Variants in GREP1 observed in about 807,000 individuals in gnomAD.
GREP1 encodes the protein glycine-rich extracellular protein 1.
exon 5 of GREP1, chr16:2,990,104 G>A: frequency 2.5e-6 from 1 of 399,270 alleles, no homozygotes; most frequent in Non-Finnish European, 4.4e-6. Context: ...GGTCAGGCAT[G>A]GGCTGGGAAC....
At position 2,997,091 on chromosome 16, in the gene GREP1, C is replaced by T. The variant is rs975545494; in HGVS notation, c.886+6C>T. The T allele has an allele frequency of 5.5e-5, 22 of 399,026 alleles. No individual in the cohort carries two copies. The highest frequency in any genetic ancestry group is 1.4e-4 in the African/African-American group (7 of 48,608). 24.7% of individuals were successfully genotyped at this position (399,026 alleles called of 1,614,324 possible). ...TATGAAGGCCCAGAAGCCAGGTGAGCCCTGCCCCGCCTGTCCCTCTGCCTC... is the reference window on the plus strand; with the variant it reads ...TATGAAGGCCCAGAAGCCAGGTGAGTCCTGCCCCGCCTGTCCCTCTGCCTC... On this transcript the variant is annotated splice_donor_region_variant and intron_variant, in intron 21 of 34. Coordinates refer to ENST00000573315, the Ensembl canonical transcript of GREP1.
exon 26 of GREP1, chr16:2,998,884 C>T (rs957714508): frequency 2.5e-6 from 1 of 399,164 alleles, no homozygotes; most frequent in Non-Finnish European, 4.4e-6. Flanking sequence ...ATGCTCCTCC[C>T]CAGGCTTCCC....
intron 27 of GREP1, 149 bp from the exon 25 acceptor site, chr16:2,999,753 C>G (rs1417437825): frequency 7.6e-6 from 3 of 397,086 alleles, no homozygotes; most frequent in African/African-American, 6.2e-5. Flanking sequence ...CGCCCAGTCT[C>G]TTGCTGCTCT....
rs1177873521 is a variant in GREP1, at chr16:2,989,098, T to C, written c.101-425T>C. 4.2e-6 allele frequency: 1 copy of C among 235,692 alleles called. No homozygotes were observed. The highest frequency in any genetic ancestry group is 2.2e-5 in the African/African-American group (1 of 44,504). The allele number at this position is 235,692 out of a possible 1,614,324, so 14.6% of individuals were successfully genotyped here. ...AGAGAAAGATGGGGGGCAGAGGTGG[T>C]GAGAAGAAGAGGAGGAGATTTCCAT... On this transcript the variant is annotated intron_variant, in intron 2 of 34. Transcript: ENST00000573315. This position sits in a 1 kb window ranked among gnomAD's most constrained non-coding sequence, Gnocchi z 4.2.
chr16:2,997,256 C>A (rs1383066492), intron 21 of GREP1, 171 bp downstream of exon 20: 1 of 398,684 alleles, frequency 2.5e-6, no homozygotes, highest in East Asian at 3.6e-5. Flanking sequence ...AGCAGGTGGA[C>A]ACCAAAATGA....
At chr16:2,998,630 A>G (rs2151109200) in intron 25 of GREP1, 107 bp downstream of exon 23, 1 of 398,030 alleles carries the variant, frequency 2.5e-6, no homozygotes, top group Non-Finnish European at 4.4e-6. Flanking sequence ...AGATCCCTAC[A>G]TCCCTCTATC....
At chr16:2,998,384 G>C (rs1247216596) in exon 24 of GREP1, 1 of 399,260 alleles carries the variant, frequency 2.5e-6, no homozygotes, top group South Asian at 1.3e-4. Context: ...AGCCTCAGAA[G>C]TCAGGTGAGT....
intron 33 of GREP1, 141 bp from the exon 28 acceptor site, chr16:3,001,140 C>A: frequency 2.5e-6 from 1 of 398,406 alleles, no homozygotes; most frequent in Non-Finnish European, 4.4e-6. Context: ...CCCTCTCCCC[C>A]CGGTCCTCTG....
intron 18 of GREP1, chr16:2,996,057 C>G (rs1042412572): frequency 2.6e-6 from 1 of 386,374 alleles, no homozygotes; most frequent in African/African-American, 2.1e-5. Flanking sequence ...CTCTGCCTCC[C>G]AAGTAGCTGG....
At chr16:3,001,405 G>A (rs2072461735) in intron 34 of GREP1, 71 bp downstream of exon 28, 1 of 398,988 alleles carries the variant, frequency 2.5e-6, no homozygotes, top group African/African-American at 2.1e-5. Context: ...AGCCATACTG[G>A]GGGACACCCA....
At position 2,999,479 on chromosome 16, in the gene GREP1, CTT is replaced by C. The variant is rs35368761; in HGVS notation, c.1189+203_1189+204del. ...CCCTCCCCGAGTCTACCCTCTTGCTCTTTTTTTTTTTTTTTTTTTTTTTTTGA... is the reference window on the plus strand; with the variant it reads ...CCCTCCCCGAGTCTACCCTCTTGCTCTTTTTTTTTTTTTTTTTTTTTTTGA... On this transcript the variant is annotated intron_variant, in intron 27 of 34. Transcript: ENST00000573315. Among the ~76,000 whole-genome samples the C allele has an allele frequency of 4.8e-3, 366 of 75,510 alleles. 1 individual carries two copies. The highest frequency in any genetic ancestry group is 5.7e-3 in the Non-Finnish European group (238 of 42,078). The allele number at this position is 75,510 out of a possible 152,430, so 49.5% of individuals were successfully genotyped here.
chr16:3,001,408 G>A, intron 34 of GREP1, 74 bp downstream of exon 28: 1 of 399,108 alleles, frequency 2.5e-6, no homozygotes, highest in Non-Finnish European at 4.4e-6. Context: ...CATACTGGGG[G>A]ACACCCAGCC....
chr16:2,988,748 G>C (rs1239340394), intron 2 of GREP1, 126 bp downstream of exon 2: 1 of 398,236 alleles, frequency 2.5e-6, no homozygotes, highest in African/African-American at 2.1e-5. Flanking sequence ...CTGTCTTCCG[G>C]GCAGGGAGTC....
rs554697143 is a variant in GREP1, at chr16:2,999,467, T to C, written c.1189+167T>C. Among the ~76,000 whole-genome samples the C allele has an allele frequency of 2.1e-5, 3 of 145,178 alleles. No homozygotes were observed. The East Asian group carries it at 6.1e-4, about 30-fold the overall frequency. On this transcript the variant is annotated intron_variant, in intron 27 of 34. Transcript: ENST00000573315. ...AGGCCAGGAAGTCCCTCCCCGAGTCTACCCTCTTGCTCTTTTTTTTTTTTT... is the reference window on the plus strand; with the variant it reads ...AGGCCAGGAAGTCCCTCCCCGAGTCCACCCTCTTGCTCTTTTTTTTTTTTT...
chr16:2,988,602 T>C (rs1014709333), exon 2 of GREP1: 3 of 399,062 alleles, frequency 7.5e-6, no homozygotes, highest in African/African-American at 4.1e-5. Flanking sequence ...CTGCCCCTTC[T>C]GCCTCCTGGC....
chr16:2,998,475 C>T lies in GREP1; in HGVS notation c.983-19C>T, dbSNP rs1164539930. On this transcript the variant is annotated intron_variant, in intron 24 of 34. Coordinates refer to ENST00000573315, the Ensembl canonical transcript of GREP1. ...CTGCCCCCAGTGTTGCCACACTCAT[C>T]TCTGCTTTCCCTCTCCAGGACACGG... 2 of 399,208 alleles carry T rather than the reference C, an allele frequency of 5.0e-6. No homozygotes were observed. Among genetic ancestry groups the T allele is most frequent in the Middle Eastern group, 6.2e-4 (1 of 1,612 alleles). The allele number at this position is 399,208 out of a possible 1,614,324, so 24.7% of individuals were successfully genotyped here. A position where few individuals can be genotyped will look rare whatever the true frequency, so the allele number is the denominator to read the frequency against.
intron 10 of GREP1, chr16:2,994,417 G>A (rs2072414042): frequency 4.0e-6 from 1 of 251,726 alleles, no homozygotes; most frequent in Non-Finnish European, 7.4e-6. Context: ...ACTGAGGCAG[G>A]AGAATTGCTT....
intron 28 of GREP1, 29 bp from the exon 26 acceptor site, chr16:3,000,057 T>C: frequency 2.5e-6 from 1 of 398,922 alleles, no homozygotes; most frequent in Non-Finnish European, 4.4e-6. Flanking sequence ...CTGACCCCCA[T>C]CTCTGAGTCA....
Position 2,992,628 on chromosome 16 carries a change from C to A in GREP1, c.323-177C>A. The stretch of plus-strand genomic sequence containing the variant: ...GTCAAGGGTGGCCACGGTCTGGACT[C>A]CCGGGCCAAGAACCAAATCCAACTT... On this transcript the variant is annotated intron_variant, in intron 8 of 34. Coordinates refer to ENST00000573315, the Ensembl canonical transcript of GREP1. This position sits in a 1 kb window ranked among gnomAD's most constrained non-coding sequence, Gnocchi z 4.9. The A allele has an allele frequency of 2.5e-6, 1 of 394,148 alleles. No homozygotes were observed. The highest frequency in any genetic ancestry group is 3.6e-5 in the East Asian group (1 of 27,782). The allele number at this position is 394,148 out of a possible 1,614,324, so 24.4% of individuals were successfully genotyped here.
Sources: gnomAD v4.1 joint callset for allele counts (sites outside exome capture counted in the v4.1 genomes callset) on GRCh38, gnomAD v4.1.1 for gene constraint, Gnocchi (gnomAD v3.1) non-coding constraint, MANE v1.5 for transcripts, NCBI Gene and HGNC (gene_info 2026-07-23, HGNC 2026-07-21) for gene names.